Variants in NREP observed in about 807,000 individuals in gnomAD.
The protein encoded by NREP is neuronal regeneration-related protein.
In NREP, 5 loss-of-function variants were observed where a neutral mutation model predicts 8.6. That is an observed-to-expected ratio of 0.58 (90% CI 0.30 to 1.22). The LOEUF is 1.22. Among genes scored for constraint, NREP ranks in the 50% most tolerant of loss-of-function variants. The probability of loss-of-function intolerance (pLI) is 0.07; values close to 1 mark genes in which losing one functional copy is unlikely to be tolerated. For synonymous variants in NREP, 27 were observed against 28.0 expected, an observed-to-expected ratio of 0.96 and a Z score of 0.11; for missense variants, 86 against 82.5, an observed-to-expected ratio of 1.04 and a Z score of -0.17.
chr5:111,798,531 C>A (rs926371692), intron 2 of NREP, among the ~76,000 whole-genome samples: 2 of 152,110 alleles, frequency 1.3e-5, no homozygotes, highest in Non-Finnish European at 1.5e-5. Context: ...ACTCTTTCCC[C>A]CGAGTCCCCA....
At chr5:111,889,228 G>A (rs1416567801) in intron 2 of NREP, among the ~76,000 whole-genome samples, 1 of 152,216 alleles carries the variant, frequency 6.6e-6, no homozygotes, top group Admixed American at 6.5e-5. Flanking sequence ...ATGACAGAAG[G>A]CAAAAGAGGA....
chr5:111,904,491 A>G (rs1265783426), intron 2 of NREP, among the ~76,000 whole-genome samples: 1 of 152,142 alleles, frequency 6.6e-6, no homozygotes, highest in African/African-American at 2.4e-5. Context: ...AGAATGTCAT[A>G]TCATTGGAAT....
intron 2 of NREP, among the ~76,000 whole-genome samples, chr5:111,864,915 G>C (rs1034999741): frequency 6.6e-6 from 1 of 152,140 alleles, no homozygotes. Flanking sequence ...TAAAAGCCTA[G>C]TGTAGGCAAA....
chr5:111,802,383 G>C (rs1445791381), intron 2 of NREP, among the ~76,000 whole-genome samples: 1 of 152,148 alleles, frequency 6.6e-6, no homozygotes, highest in African/African-American at 2.4e-5. Context: ...AATTGTTAAA[G>C]ACTTTTAGGG....
intron 2 of NREP, among the ~76,000 whole-genome samples, chr5:111,930,352 C>A (rs751699850): frequency 2.0e-5 from 3 of 152,146 alleles, no homozygotes; most frequent in Non-Finnish European, 2.9e-5. Flanking sequence ...GTCCCCCACC[C>A]TCAAAGATAT....
At chr5:111,844,510 T>C (rs1310099052) in intron 2 of NREP, among the ~76,000 whole-genome samples, 2 of 151,502 alleles carry the variant, frequency 1.3e-5, no homozygotes, top group Admixed American at 6.6e-5. Flanking sequence ...GATAAATTTC[T>C]TACATATGGA....
intron 2 of NREP, among the ~76,000 whole-genome samples, chr5:111,743,248 T>A (rs886156807): frequency 1.3e-5 from 2 of 150,638 alleles, no homozygotes; most frequent in Non-Finnish European, 1.5e-5. Flanking sequence ...ACAAGATAGT[T>A]GCTCTCTTTA....
chr5:111,903,758 A>G (rs1404484047), intron 2 of NREP, among the ~76,000 whole-genome samples: 3 of 152,124 alleles, frequency 2.0e-5, no homozygotes, highest in Non-Finnish European at 4.4e-5. Context: ...CAACACAGAG[A>G]AAAACACTCC....
At chr5:111,761,971 G>A (rs1307727153), upstream of NREP, among the ~76,000 whole-genome samples, 1 of 152,178 alleles carries the variant, frequency 6.6e-6, no homozygotes, top group African/African-American at 2.4e-5. Context: ...AGGTTATTCT[G>A]AGAGTAATTT....
At chr5:111,794,732 T>G (rs1751837053) in intron 2 of NREP, among the ~76,000 whole-genome samples, 1 of 152,168 alleles carries the variant, frequency 6.6e-6, no homozygotes, top group South Asian at 2.1e-4. Context: ...GAAAATACTC[T>G]GTATTAAGCT....
intron 2 of NREP, among the ~76,000 whole-genome samples, chr5:111,879,261 C>T (rs1753987576): frequency 6.6e-6 from 1 of 152,150 alleles, no homozygotes; most frequent in Non-Finnish European, 1.5e-5. Context: ...CCAAACACAT[C>T]TAGTTTTTTG....
At chr5:111,745,174 G>A (rs562232684) in intron 2 of NREP, among the ~76,000 whole-genome samples, 1 of 152,202 alleles carries the variant, frequency 6.6e-6, no homozygotes, top group African/African-American at 2.4e-5. Context: ...ATAAAGCGCT[G>A]GCAACAGGAT....
intron 2 of NREP, among the ~76,000 whole-genome samples, chr5:111,862,101 T>A (rs1034941729): frequency 3.3e-5 from 5 of 152,186 alleles, no homozygotes; most frequent in African/African-American, 1.2e-4. Flanking sequence ...TCAAGTGCAA[T>A]TCTTTGTATA....
At chr5:111,862,574 T>C (rs1267641674) in intron 2 of NREP, among the ~76,000 whole-genome samples, 2 of 152,150 alleles carry the variant, frequency 1.3e-5, no homozygotes, top group Non-Finnish European at 1.5e-5. Context: ...GCCTGGGCCA[T>C]GCTGTATCTT....
intron 2 of NREP, among the ~76,000 whole-genome samples, chr5:111,794,731 C>T (rs1218442275): frequency 1.3e-5 from 2 of 152,072 alleles, no homozygotes; most frequent in African/African-American, 4.8e-5. Context: ...TGAAAATACT[C>T]TGTATTAAGC....
At chr5:111,783,382 T>C (rs7715382) in intron 2 of NREP, among the ~76,000 whole-genome samples, 65,393 of 152,082 alleles carry the variant, frequency 0.43, 14,382 homozygotes, top group East Asian at 0.49. Flanking sequence ...GGGGAAAAGA[T>C]ACACTAGGAG....
intron 2 of NREP, among the ~76,000 whole-genome samples, chr5:111,867,138 A>AT (rs1053465977): frequency 1.3e-5 from 2 of 151,758 alleles, no homozygotes; most frequent in African/African-American, 2.4e-5. Flanking sequence ...TAGAACTTTA[A>AT]TTAAAAAAAA....
chr5:111,975,207 T>A, intron 2 of NREP: 2 of 1,075,372 alleles, frequency 1.9e-6, no homozygotes, highest in Non-Finnish European at 2.8e-6. Flanking sequence ...CTTGGTTGCA[T>A]GTGATGGAAA....
chr5:111,841,534 C>T (rs1263841992), intron 2 of NREP, among the ~76,000 whole-genome samples: 2 of 152,186 alleles, frequency 1.3e-5, no homozygotes, highest in Middle Eastern at 3.4e-3. Flanking sequence ...CACTGTGATA[C>T]GGTTGTAGTG....
Sources: allele counts gnomAD v4.1 joint callset (sites outside exome capture counted in the v4.1 genomes callset), GRCh38; gene constraint gnomAD v4.1.1; transcripts MANE v1.5; gene names NCBI Gene and HGNC (gene_info 2026-07-23, HGNC 2026-07-21).